The following CDC27 variants were observed in gnomAD, a reference collection of about 807,000 sequenced individuals.
The protein encoded by CDC27 is cell division cycle protein 27 homolog.
Under a neutral mutation model 109.7 loss-of-function variants are expected in CDC27, and 27 were observed. The ratio of observed to expected loss-of-function variants is 0.25; its 90% CI spans 0.18 to 0.34. The LOEUF (loss-of-function observed/expected upper bound fraction) is 0.34. Ranked by LOEUF, CDC27 falls within the 10% of genes least tolerant of loss-of-function variation. The pLI, the probability that CDC27 is intolerant of heterozygous loss-of-function variation, is 1.00. For synonymous variants in CDC27, 266 were observed against 333.9 expected, an observed-to-expected ratio of 0.80 and a Z score of 2.22; for missense variants, 579 against 960.2, an observed-to-expected ratio of 0.60 and a Z score of 5.25.
chr17:47,124,108 C>T (rs982507013), intron 16 of CDC27, 148 bp from the exon 17 acceptor site: 4 of 540,694 alleles, frequency 7.4e-6, no homozygotes, highest in South Asian at 2.3e-5. Context: ...GTTCTTATTG[C>T]TGTGAAAATA....
chr17:47,166,264 T>C (rs577614716), intron 4 of CDC27, among the ~76,000 whole-genome samples: 4 of 152,322 alleles, frequency 2.6e-5, no homozygotes, highest in Admixed American at 2.6e-4. Context: ...GGGAAGACTT[T>C]TAACTACAAA....
At chr17:47,151,963 C>T in intron 8 of CDC27, 45 bp from the exon 9 acceptor site, 1 of 1,539,290 alleles carries the variant, frequency 6.5e-7, no homozygotes, top group South Asian at 1.3e-5. Context: ...ATGGGCTGCA[C>T]TGTAAATGAT....
chr17:47,124,182 C>CACACAT (rs2062060968), intron 16 of CDC27, among the ~76,000 whole-genome samples: 1 of 150,856 alleles, frequency 6.6e-6, no homozygotes, highest in Non-Finnish European at 1.5e-5. Context: ...ACTGAAAACA[C>CACACAT]ACACACACAC....
At chr17:47,125,235 CTTTTTTTTTTTTTTTT>C (rs58631604) in intron 16 of CDC27, among the ~76,000 whole-genome samples, 1 of 48,020 alleles carries the variant, frequency 2.1e-5, no homozygotes, top group Non-Finnish European at 3.6e-5. Flanking sequence ...TTAAAGAAAT[CTTTTTTTTTTTTTTTT>C]TTTTTTTTTT....
At chr17:47,188,758 C>T (rs1347053502) in intron 1 of CDC27, 1 of 1,052,850 alleles carries the variant, frequency 9.5e-7, no homozygotes, top group African/African-American at 1.7e-5. Context: ...TCACGAAGAT[C>T]ACACAAGCTC....
intron 15 of CDC27, among the ~76,000 whole-genome samples, chr17:47,131,430 T>C (rs917323494): frequency 2.0e-5 from 3 of 151,984 alleles, no homozygotes; most frequent in African/African-American, 7.3e-5. Context: ...AGAATTCTAC[T>C]CTCCCCAAGA....
chr17:47,160,701 A>T (rs932330522), intron 4 of CDC27, among the ~76,000 whole-genome samples: 1 of 152,234 alleles, frequency 6.6e-6, no homozygotes, highest in African/African-American at 2.4e-5. Flanking sequence ...TTATATATAA[A>T]GGACCAGAAG....
At chr17:47,159,979 G>C in intron 4 of CDC27, 1 of 266,688 alleles carries the variant, frequency 3.7e-6, no homozygotes, top group Non-Finnish European at 7.1e-6. Context: ...AGCCCTGGAT[G>C]CCACTGCTGA....
intron 8 of CDC27, among the ~76,000 whole-genome samples, chr17:47,152,554 A>T (rs946242527): frequency 1.3e-5 from 2 of 151,966 alleles, no homozygotes; most frequent in South Asian, 2.1e-4. Flanking sequence ...TTATTCCCTT[A>T]TTTCTATTCA....
intron 10 of CDC27, 23 bp from the exon 11 acceptor site, chr17:47,142,459 C>T: frequency 2.0e-6 from 2 of 997,320 alleles, no homozygotes; most frequent in Non-Finnish European, 3.1e-6. Flanking sequence ...AGAAATTTCA[C>T]ACCTGTTATA....
At chr17:47,177,580 A>C (rs1470707468) in intron 2 of CDC27, among the ~76,000 whole-genome samples, 1 of 152,196 alleles carries the variant, frequency 6.6e-6, no homozygotes, top group Non-Finnish European at 1.5e-5. Context: ...ACAAACAAAC[A>C]AAAACATTTT....
chr17:47,163,713 C>T (rs2063561153), intron 4 of CDC27, among the ~76,000 whole-genome samples: 1 of 152,220 alleles, frequency 6.6e-6, no homozygotes, highest in African/African-American at 2.4e-5. Flanking sequence ...TGCCACATGA[C>T]ATTCTGTTAC....
intron 10 of CDC27, among the ~76,000 whole-genome samples, chr17:47,143,106 G>A (rs1598451874): frequency 6.6e-6 from 1 of 151,960 alleles, no homozygotes; most frequent in African/African-American, 2.4e-5. Context: ...CCAAGCAGCT[G>A]GGATCAAAGA....
intron 4 of CDC27, among the ~76,000 whole-genome samples, chr17:47,165,680 A>G (rs963321043): frequency 6.6e-6 from 1 of 152,062 alleles, no homozygotes; most frequent in Non-Finnish European, 1.5e-5. Context: ...AAAATTTATC[A>G]ACTTTTTATT....
intron 4 of CDC27, among the ~76,000 whole-genome samples, chr17:47,164,046 G>A (rs986210751): frequency 6.6e-6 from 1 of 152,200 alleles, no homozygotes; most frequent in East Asian, 1.9e-4. Context: ...TTATAGGTGT[G>A]AGCCACCCTG....
intron 4 of CDC27, among the ~76,000 whole-genome samples, chr17:47,165,353 G>A (rs191054875): frequency 1.3e-5 from 2 of 152,220 alleles, no homozygotes; most frequent in East Asian, 3.9e-4. Flanking sequence ...ACCAGCACTT[G>A]GTATTGTCAG....
At chr17:47,185,319 C>T (rs1309333769) in intron 1 of CDC27, among the ~76,000 whole-genome samples, 1 of 152,024 alleles carries the variant, frequency 6.6e-6, no homozygotes, top group Admixed American at 6.5e-5. Flanking sequence ...GCTGGGACTA[C>T]AGGTGCCTGC....
rs932206857 is a variant in CDC27, at chr17:47,119,087, C to T, written c.*1848G>A. 6 of 152,226 alleles carry T rather than the reference C, an allele frequency of 3.9e-5. No individual in the cohort carries two copies. The East Asian group carries it at 7.7e-4, about 19-fold the overall frequency. The allele number at this position is 152,226 out of a possible 1,614,324, so 9.4% of individuals were successfully genotyped here. On this transcript the variant is annotated 3_prime_UTR_variant, in exon 19 of 19. Coordinates refer to ENST00000066544, the MANE Select transcript of CDC27 (RefSeq NM_001256.6). Reference sequence around the variant, plus strand: ...TAAAACTCTAAATGACACTGTTATACAGCACCTTGTGCTTTGCCAATTAAA... The same window carrying T: ...TAAAACTCTAAATGACACTGTTATATAGCACCTTGTGCTTTGCCAATTAAA...
chr17:47,188,010 G>GA (rs987387890), intron 1 of CDC27, among the ~76,000 whole-genome samples: 2 of 151,998 alleles, frequency 1.3e-5, no homozygotes, highest in South Asian at 2.1e-4. Flanking sequence ...AACAGCTGGA[G>GA]AAAAAAACCA....
Sources: gnomAD v4.1 joint callset for allele counts (sites outside exome capture counted in the v4.1 genomes callset) on GRCh38, gnomAD v4.1.1 for gene constraint, MANE v1.5 for transcripts, NCBI Gene and HGNC (gene_info 2026-07-23, HGNC 2026-07-21) for gene names.